The following UNC5D variants were observed in gnomAD, a reference collection of about 807,000 sequenced individuals.
UNC5D encodes the protein unc-5 netrin receptor D, also known as netrin receptor UNC5D.
A neutral mutation model predicts 105.4 loss-of-function variants in UNC5D; 39 were observed. The ratio of observed to expected loss-of-function variants is 0.37; its 90% CI spans 0.29 to 0.48. The LOEUF (loss-of-function observed/expected upper bound fraction) is 0.48, where lower values mean the gene tolerates loss of function less well. Among genes scored for constraint, UNC5D ranks in the 20% least tolerant of loss-of-function variants. The pLI, the probability that UNC5D is intolerant of heterozygous loss-of-function variation, is 0.98. For synonymous variants in UNC5D, 452 were observed against 450.4 expected, an observed-to-expected ratio of 1.00 and a Z score of -0.04; for missense variants, 991 against 1,202.4, an observed-to-expected ratio of 0.82 and a Z score of 2.60.
chr8:35,310,404 GA>G (rs1278234305), intron 1 of UNC5D, among the ~76,000 whole-genome samples: 3 of 152,226 alleles, frequency 2.0e-5, no homozygotes, highest in African/African-American at 7.2e-5. Flanking sequence ...CCGATCACTA[GA>G]GGTCAGGAGT....
intron 1 of UNC5D, among the ~76,000 whole-genome samples, chr8:35,371,422 T>C (rs1290517546): frequency 6.6e-6 from 1 of 152,176 alleles, no homozygotes; most frequent in African/African-American, 2.4e-5. Context: ...TTCTGTATTT[T>C]GGTTTGTGTT....
At chr8:35,557,322 A>C (rs1350550493) in intron 2 of UNC5D, among the ~76,000 whole-genome samples, 1 of 152,124 alleles carries the variant, frequency 6.6e-6, no homozygotes, top group Non-Finnish European at 1.5e-5. Context: ...GGTGCTTCTG[A>C]GGAATACGTG....
At chr8:35,236,693 C>T (rs1308205929) in intron 1 of UNC5D, among the ~76,000 whole-genome samples, 1 of 152,180 alleles carries the variant, frequency 6.6e-6, no homozygotes, top group Non-Finnish European at 1.5e-5. Flanking sequence ...GGTTTCAGCT[C>T]CACCTTGAGC....
chr8:35,397,106 A>T (rs1804155293), intron 1 of UNC5D, among the ~76,000 whole-genome samples: 1 of 151,834 alleles, frequency 6.6e-6, no homozygotes, highest in South Asian at 2.1e-4. Context: ...AGGTTTCACC[A>T]TGTTGGCCAG....
intron 1 of UNC5D, among the ~76,000 whole-genome samples, chr8:35,264,761 AG>A (rs1804735461): frequency 6.7e-6 from 1 of 149,630 alleles, no homozygotes; most frequent in Non-Finnish European, 1.5e-5. Flanking sequence ...AAAGAGTAAA[AG>A]GTGTTAAGCT....
intron 1 of UNC5D, among the ~76,000 whole-genome samples, chr8:35,321,820 A>G (rs1487444340): frequency 6.6e-6 from 1 of 152,146 alleles, no homozygotes; most frequent in Non-Finnish European, 1.5e-5. Context: ...AGGTATTAGG[A>G]GGCCCCTGAC....
intron 1 of UNC5D, among the ~76,000 whole-genome samples, chr8:35,326,987 AGTT>A (rs1323541393): frequency 6.6e-6 from 1 of 152,090 alleles, no homozygotes; most frequent in Non-Finnish European, 1.5e-5. Flanking sequence ...AGCGGTGGGG[AGTT>A]GTTATGAACA....
rs1439134648 is a variant in UNC5D at position 35,235,546 on chromosome 8, T to C, written c.-239T>C. ...GCGGGGACTGCGGGCGACTCCGGCATCCGCGCTGGCGGCAGCGGTCGCCGC... is the reference window on the plus strand; with the variant it reads ...GCGGGGACTGCGGGCGACTCCGGCACCCGCGCTGGCGGCAGCGGTCGCCGC... On this transcript the variant is annotated 5_prime_UTR_variant, in exon 1 of 17. Transcript: ENST00000404895. 5.6e-6 allele frequency: 2 copies of C among 358,088 alleles called. No homozygotes were observed. The highest frequency in any genetic ancestry group is 4.2e-5 in the African/African-American group (2 of 47,198). The allele number at this position is 358,088 out of a possible 1,614,324, so 22.2% of individuals were successfully genotyped here. A position where few individuals can be genotyped will look rare whatever the true frequency, so the allele number is the denominator to read the frequency against.
chr8:35,322,028 T>C (rs1323248171), intron 1 of UNC5D, among the ~76,000 whole-genome samples: 1 of 152,190 alleles, frequency 6.6e-6, no homozygotes, highest in Non-Finnish European at 1.5e-5. Context: ...TGTAAAATGC[T>C]CAGCCCAGTG....
chr8:35,437,614 C>G (rs1212087378), intron 1 of UNC5D, among the ~76,000 whole-genome samples: 2 of 152,050 alleles, frequency 1.3e-5, no homozygotes, highest in Non-Finnish European at 2.9e-5. Context: ...CGTTCTTTCT[C>G]CTCCATCCTC....
chr8:35,507,407 T>A (rs1812401431), intron 1 of UNC5D, among the ~76,000 whole-genome samples: 2 of 151,090 alleles, frequency 1.3e-5, no homozygotes, highest in Non-Finnish European at 1.5e-5. Context: ...GCTGAAATAC[T>A]GTGGTTATTG....
At chr8:35,440,149 G>T (rs1807304199) in intron 1 of UNC5D, among the ~76,000 whole-genome samples, 1 of 151,966 alleles carries the variant, frequency 6.6e-6, no homozygotes, top group Non-Finnish European at 1.5e-5. Flanking sequence ...GCCTCTGGGG[G>T]CTCTACCTAA....
intron 16 of UNC5D, among the ~76,000 whole-genome samples, chr8:35,780,751 T>C (rs1802467418): frequency 6.6e-6 from 1 of 152,188 alleles, no homozygotes; most frequent in South Asian, 2.1e-4. Flanking sequence ...TTCTGCAAGT[T>C]AGAAAACACA....
At chr8:35,560,721 G>A (rs946693946) in intron 2 of UNC5D, among the ~76,000 whole-genome samples, 2 of 152,128 alleles carry the variant, frequency 1.3e-5, no homozygotes, top group African/African-American at 4.8e-5. Flanking sequence ...TTGTGGGATG[G>A]TAATGTCACT....
At chr8:35,750,189 G>C (rs993638759) in intron 12 of UNC5D, among the ~76,000 whole-genome samples, 15 of 152,014 alleles carry the variant, frequency 9.9e-5, no homozygotes, top group African/African-American at 3.6e-4. Flanking sequence ...CCAGGCTGGA[G>C]TGCAGTGGAT....
At chr8:35,787,235 G>C (rs1426625072) in intron 16 of UNC5D, among the ~76,000 whole-genome samples, 1 of 152,170 alleles carries the variant, frequency 6.6e-6, no homozygotes, top group Admixed American at 6.6e-5. Context: ...TAGGGCAAAA[G>C]TTCATCGTTG....
chr8:35,783,920 A>C (rs1802620389), intron 16 of UNC5D, among the ~76,000 whole-genome samples: 1 of 152,176 alleles, frequency 6.6e-6, no homozygotes, highest in African/African-American at 2.4e-5. Context: ...AAATCCTCAA[A>C]TCTAAAGTTT....
chr8:35,413,610 G>A (rs973029473), intron 1 of UNC5D, among the ~76,000 whole-genome samples: 7 of 151,966 alleles, frequency 4.6e-5, no homozygotes, highest in Non-Finnish European at 1.0e-4. Flanking sequence ...ACATTTAGAA[G>A]TAGTCAATTT....
At chr8:35,525,733 C>T (rs1586047713) in intron 1 of UNC5D, 7 of 1,580,742 alleles carry the variant, frequency 4.4e-6, no homozygotes, top group Admixed American at 3.6e-5. Context: ...TGGCTCCCAA[C>T]GCTGAAGTAC....
Sources: gnomAD v4.1 joint callset for allele counts (sites outside exome capture counted in the v4.1 genomes callset) on GRCh38, gnomAD v4.1.1 for gene constraint, MANE v1.5 for transcripts, NCBI Gene and HGNC (gene_info 2026-07-23, HGNC 2026-07-21) for gene names.